Variants in LRRC37A2 observed in about 807,000 individuals in gnomAD.
The protein encoded by LRRC37A2 is leucine-rich repeat-containing protein 37A2.
In LRRC37A2, 9 loss-of-function variants were observed where a neutral mutation model predicts 68.8. The ratio of observed to expected loss-of-function variants is 0.13; its 90% CI spans 0.08 to 0.23. The LOEUF (loss-of-function observed/expected upper bound fraction) is 0.23, where lower values mean the gene tolerates loss of function less well. Ranked by LOEUF, LRRC37A2 falls within the 10% of genes least tolerant of loss-of-function variation. LRRC37A2 has a pLI of 1.00. For synonymous variants in LRRC37A2, 63 were observed against 367.6 expected (o/e 0.17, Z 9.48); for missense variants, 168 against 950.4 (o/e 0.18, Z 10.82).
chr17:47,028,224 T>C, the LRRC37A2 span: 1 of 1,156,094 alleles, frequency 8.6e-7, no homozygotes, highest in African/African-American at 1.5e-5. Flanking sequence ...TGGCAAATGA[T>C]AAATGTTCTG....
the LRRC37A2 span, among the ~76,000 whole-genome samples, chr17:46,495,137 A>C: frequency 2.4e-4 from 35 of 147,342 alleles, no homozygotes; most frequent in Non-Finnish European, 4.3e-4. Flanking sequence ...TGCTGCAAAC[A>C]GATTTTATTT....
the LRRC37A2 span, among the ~76,000 whole-genome samples, chr17:47,033,100 C>T: frequency 2.4e-4 from 36 of 151,748 alleles, 2 homozygotes; most frequent in South Asian, 7.3e-3. Context: ...ACCTATGATC[C>T]CAGCTACTCT....
At chr17:46,873,796 C>T in the LRRC37A2 span, among the ~76,000 whole-genome samples, 9 of 150,522 alleles carry the variant, frequency 6.0e-5, no homozygotes, top group Middle Eastern at 3.4e-3. Context: ...TTGTAACCAG[C>T]GTGGTCAAAA....
At chr17:46,541,904 C>G (rs559268759) in intron 8 of LRRC37A2, among the ~76,000 whole-genome samples, 1 of 148,766 alleles carries the variant, frequency 6.7e-6, no homozygotes. Flanking sequence ...CGAGGGACAA[C>G]TGTTCACTCC....
the LRRC37A2 span, among the ~76,000 whole-genome samples, chr17:46,830,345 G>A: frequency 7.9e-5 from 12 of 152,116 alleles, no homozygotes; most frequent in Admixed American, 6.6e-4. Context: ...TCGACCTCCC[G>A]GGCTCAAGCA....
the LRRC37A2 span, chr17:47,018,510 G>A: frequency 6.6e-7 from 1 of 1,521,580 alleles, no homozygotes; most frequent in Non-Finnish European, 9.1e-7. Flanking sequence ...GCAGGCTACA[G>A]CTCAGCTCTC....
chr17:46,737,704 G>T, the LRRC37A2 span, among the ~76,000 whole-genome samples: 1 of 151,856 alleles, frequency 6.6e-6, no homozygotes, highest in Non-Finnish European at 1.5e-5. Flanking sequence ...TATATGTTAC[G>T]TGGTTCCAGT....
the LRRC37A2 span, chr17:46,876,566 G>A: frequency 6.2e-7 from 1 of 1,613,684 alleles, no homozygotes; most frequent in Non-Finnish European, 8.5e-7. Flanking sequence ...GTGCTCCCGG[G>A]AGGCCAGCTG....
the LRRC37A2 span, among the ~76,000 whole-genome samples, chr17:46,720,231 C>T: frequency 2.6e-5 from 4 of 152,190 alleles, no homozygotes; most frequent in African/African-American, 7.2e-5. Context: ...GAAGTGGGCA[C>T]TCCGGAAGTG....
At chr17:46,937,063 A>T in the LRRC37A2 span, 1 of 152,686 alleles carries the variant, frequency 6.5e-6, no homozygotes, top group Non-Finnish European at 1.5e-5. Flanking sequence ...CTGCCCCGGC[A>T]TTCACTTATA....
the LRRC37A2 span, among the ~76,000 whole-genome samples, chr17:47,048,096 G>C: frequency 7.1e-6 from 1 of 141,496 alleles, no homozygotes; most frequent in Non-Finnish European, 1.5e-5. Context: ...TCCCCAAGAA[G>C]TGGGCAGAAA....
chr17:46,803,412 T>C, the LRRC37A2 span, among the ~76,000 whole-genome samples: 1 of 152,218 alleles, frequency 6.6e-6, no homozygotes, highest in African/African-American at 2.4e-5. Flanking sequence ...TGCACACCTA[T>C]GATCCCAGCT....
the LRRC37A2 span, among the ~76,000 whole-genome samples, chr17:46,747,036 A>C: frequency 6.6e-6 from 1 of 152,302 alleles, no homozygotes; most frequent in East Asian, 1.9e-4. Flanking sequence ...TCTGGGAAAA[A>C]TGTACACATA....
At chr17:47,040,262 G>A in the LRRC37A2 span, among the ~76,000 whole-genome samples, 51 of 148,584 alleles carry the variant, frequency 3.4e-4, no homozygotes, top group South Asian at 3.1e-3. Flanking sequence ...GGGTAACTTC[G>A]CAAGACCCCA....
At chr17:46,921,204 G>A in the LRRC37A2 span, 4 of 152,336 alleles carry the variant, frequency 2.6e-5, no homozygotes, top group Non-Finnish European at 5.9e-5. Flanking sequence ...CACGCATACG[G>A]TTAAGGCATT....
the LRRC37A2 span, chr17:46,917,051 T>C: frequency 2.0e-5 from 3 of 152,170 alleles, no homozygotes; most frequent in Admixed American, 2.0e-4. Context: ...ACATATGAAT[T>C]TGGGGGGGAC....
chr17:47,018,753 C>T, the LRRC37A2 span: 15 of 1,520,948 alleles, frequency 9.9e-6, no homozygotes, highest in Admixed American at 2.3e-4. Flanking sequence ...GGCCCCAGCT[C>T]AGACTCCAGA....
the LRRC37A2 span, chr17:46,929,644 G>A: frequency 7.9e-5 from 68 of 861,984 alleles, no homozygotes; most frequent in Non-Finnish European, 1.2e-4. Flanking sequence ...CTAATGGGCT[G>A]GGCTTCCTGA....
the LRRC37A2 span, among the ~76,000 whole-genome samples, chr17:47,044,671 A>G: frequency 6.6e-6 from 1 of 151,990 alleles, no homozygotes; most frequent in South Asian, 2.1e-4. Flanking sequence ...CAGCCATTCT[A>G]AGGCTTAAAG....
Sources: allele counts gnomAD v4.1 joint callset (sites outside exome capture counted in the v4.1 genomes callset), GRCh38; gene constraint gnomAD v4.1.1; transcripts MANE v1.5; gene names NCBI Gene and HGNC (gene_info 2026-07-23, HGNC 2026-07-21).